The following ACSS3 variants were observed in gnomAD, a reference collection of about 807,000 sequenced individuals.
ACSS3 encodes acyl-CoA synthetase short chain family member 3.
ACSS3 carries 64 observed loss-of-function variants against 84.2 expected under a neutral mutation model. The observed-to-expected ratio is 0.76, with a 90% CI of 0.62 to 0.94. The LOEUF is 0.94. Among genes scored for constraint, ACSS3 ranks in the 40% least tolerant of loss-of-function variants. The pLI, the probability that ACSS3 is intolerant of heterozygous loss-of-function variation, is 0.00. For synonymous variants in ACSS3, 317 were observed against 310.1 expected (o/e 1.02, Z -0.23); for missense variants, 815 against 867.6 (o/e 0.94, Z 0.76).
intron 13 of ACSS3, among the ~76,000 whole-genome samples, chr12:81,237,316 A>G (rs1332936088): frequency 2.0e-5 from 3 of 151,556 alleles, no homozygotes; most frequent in Admixed American, 2.0e-4. Flanking sequence ...TGAGCAATTC[A>G]TTAGGCAAAT....
rs999158528 is a variant in ACSS3 at position 81,139,140 on chromosome 12, G to T, written c.655G>T (p.Val219Phe). The change falls in exon 4 of 16, where the codon GTT becomes TTT. Residue 219 changes from valine (V) to phenylalanine (F), a missense_variant. Coordinates refer to ENST00000548058, the MANE Select transcript of ACSS3 (RefSeq NM_024560.4). ...TATTTTTTAATTGTAGCCCAAGGTG[G>T]TTGTTACAGCATCATTTGGCATTGA... ...SRIDHVKPKV[V>F]VTASFGIEPG... is the part of the protein sequence containing the mutation. 6.2e-7 allele frequency: 1 copy of T among 1,613,360 alleles called. No homozygotes were observed.
chr12:81,162,890 C>G (rs1446205722), intron 7 of ACSS3, among the ~76,000 whole-genome samples: 1 of 152,130 alleles, frequency 6.6e-6, no homozygotes, highest in African/African-American at 2.4e-5. Flanking sequence ...CTGGACAGGG[C>G]CACAACTTTG....
At chr12:81,096,188 CACTG>C (rs1882030691) in intron 1 of ACSS3, among the ~76,000 whole-genome samples, 1 of 152,188 alleles carries the variant, frequency 6.6e-6, no homozygotes, top group African/African-American at 2.4e-5. Context: ...TTTTGCTGAG[CACTG>C]ACTATTTACC....
intron 8 of ACSS3, among the ~76,000 whole-genome samples, chr12:81,196,444 T>A (rs539299030): frequency 6.6e-6 from 1 of 152,344 alleles, no homozygotes; most frequent in African/African-American, 2.4e-5. Context: ...TGTATTTTAA[T>A]AAAATATATT....
chr12:81,097,106 A>G (rs7967437), intron 1 of ACSS3, among the ~76,000 whole-genome samples: 14,794 of 152,242 alleles, frequency 0.097, 927 homozygotes, highest in East Asian at 0.21. Flanking sequence ...TTAAATTTAA[A>G]TTTAGTTAGA....
intron 13 of ACSS3, among the ~76,000 whole-genome samples, chr12:81,243,760 C>G (rs1332798788): frequency 6.6e-6 from 1 of 152,154 alleles, no homozygotes; most frequent in African/African-American, 2.4e-5. Flanking sequence ...TAATTCCTCC[C>G]TTGTAGCTCT....
chr12:81,086,773 T>A (rs1881344217), intron 1 of ACSS3, among the ~76,000 whole-genome samples: 1 of 152,178 alleles, frequency 6.6e-6, no homozygotes, highest in South Asian at 2.1e-4. Context: ...AAGCTGCAAC[T>A]CCATGAGGGA....
intron 9 of ACSS3, among the ~76,000 whole-genome samples, chr12:81,213,952 T>G (rs1267555664): frequency 2.9e-5 from 1 of 34,160 alleles, no homozygotes; most frequent in Non-Finnish European, 8.3e-5. Context: ...TCTCTCTCCC[T>G]CTCTCTCTTT....
At chr12:81,216,181 T>C (rs1300661239) in intron 9 of ACSS3, among the ~76,000 whole-genome samples, 1 of 151,390 alleles carries the variant, frequency 6.6e-6, no homozygotes, top group Non-Finnish European at 1.5e-5. Context: ...CTGTGTGTAA[T>C]CTTTTTTTAT....
intron 2 of ACSS3, among the ~76,000 whole-genome samples, chr12:81,125,287 C>A (rs1885005591): frequency 6.6e-6 from 1 of 152,152 alleles, no homozygotes; most frequent in Non-Finnish European, 1.5e-5. Flanking sequence ...TATCTATTTT[C>A]ATTCACTGAT....
intron 9 of ACSS3, among the ~76,000 whole-genome samples, chr12:81,211,982 T>G (rs1017635877): frequency 1.3e-5 from 2 of 152,172 alleles, no homozygotes; most frequent in Non-Finnish European, 2.9e-5. Context: ...GAACTTGAGT[T>G]TCCCTTCTCT....
At chr12:81,242,962 C>T (rs1363903313) in intron 13 of ACSS3, among the ~76,000 whole-genome samples, 1 of 151,998 alleles carries the variant, frequency 6.6e-6, no homozygotes, top group Non-Finnish European at 1.5e-5. Flanking sequence ...ACAGGGATGC[C>T]CTGTCTCACC....
intron 10 of ACSS3, among the ~76,000 whole-genome samples, chr12:81,217,798 G>A (rs7139299): frequency 0.42 from 63,125 of 151,770 alleles, 13,885 homozygotes; most frequent in Non-Finnish European, 0.49. Flanking sequence ...AGCTGAGATC[G>A]TGCCACTCCA....
intron 8 of ACSS3, among the ~76,000 whole-genome samples, chr12:81,180,021 G>A (rs1305661211): frequency 1.3e-5 from 2 of 152,052 alleles, no homozygotes; most frequent in Admixed American, 6.6e-5. Context: ...AAGAACATTT[G>A]GTACATATAC....
Position 81,140,559 on chromosome 12 carries a change from C to T in ACSS3, c.780+1294C>T, listed in dbSNP as rs189800483. On this transcript the variant is annotated intron_variant, in intron 4 of 15. Coordinates refer to ENST00000548058, the MANE Select transcript of ACSS3 (RefSeq NM_024560.4). ...TACCACCTAGCAATTCCCATTACCA[C>T]ATTAAATTCCTGTGTAAAGTTTTAG... 5.2e-3 allele frequency among the ~76,000 whole-genome samples: 787 copies of T among 152,314 alleles called. 4 individuals are homozygous for T. The highest frequency in any genetic ancestry group is 0.011 in the Admixed American group (168 of 15,304).
intron 2 of ACSS3, among the ~76,000 whole-genome samples, chr12:81,131,584 T>A (rs1421055495): frequency 6.6e-6 from 1 of 152,200 alleles, no homozygotes; most frequent in Non-Finnish European, 1.5e-5. Flanking sequence ...AGGGACAATT[T>A]GACTTACTCT....
At chr12:81,194,359 C>T (rs2031725988) in intron 8 of ACSS3, among the ~76,000 whole-genome samples, 1 of 151,678 alleles carries the variant, frequency 6.6e-6, no homozygotes, top group African/African-American at 2.4e-5. Context: ...ATACAATTAG[C>T]AGTCTGTAAT....
chr12:81,124,759 G>A (rs956721100), intron 2 of ACSS3, among the ~76,000 whole-genome samples: 2 of 152,102 alleles, frequency 1.3e-5, no homozygotes, highest in Admixed American at 1.3e-4. Context: ...CAGACCAACA[G>A]ACTTGCCTGT....
At position 81,109,634 on chromosome 12, in the gene ACSS3, T is replaced by C. The variant is rs1883398285; in HGVS notation, c.386T>C (p.Ile129Thr). The change falls in exon 2 of 16, where the codon ATT (isoleucine) becomes ACT (threonine). Residue 129 changes from isoleucine (I) to threonine (T), a missense_variant. Physicochemically the swap from Ile to Thr is moderately conservative, Grantham distance 89 (BLOSUM62 -1). Coordinates refer to ENST00000548058, the MANE Select transcript of ACSS3 (RefSeq NM_024560.4). ...RHIENGKGDK[I>T]AIIYDSPVTN... ...ATTGAAAATGGTAAAGGGGATAAGA[T>C]TGCTATCATCTATGACAGTCCTGTT... 6.2e-7 allele frequency: 1 copy of C among 1,612,888 alleles called. No homozygotes were observed.
Sources: gnomAD v4.1 joint callset for allele counts (sites outside exome capture counted in the v4.1 genomes callset) on GRCh38, gnomAD v4.1.1 for gene constraint, MANE v1.5 for transcripts, NCBI Gene and HGNC (gene_info 2026-07-23, HGNC 2026-07-21) for gene names.